Variants in PCDH11X observed in about 807,000 individuals in gnomAD.
PCDH11X encodes protocadherin 11 X-linked.
PCDH11X carries 18 observed loss-of-function variants against 53.3 expected under a neutral mutation model. The ratio of observed to expected loss-of-function variants is 0.34; its 90% confidence interval spans 0.23 to 0.50. PCDH11X has a LOEUF of 0.50. PCDH11X is among the 20% of genes least tolerant of loss of function. PCDH11X has a pLI of 0.98. For synonymous variants in PCDH11X, 279 were observed against 393.3 expected, an observed-to-expected ratio of 0.71 and a Z score of 3.44; for missense variants, 570 against 1,032.4, an observed-to-expected ratio of 0.55 and a Z score of 6.14.
At chrX:92,242,899 C>T (rs543870886) in intron 7 of PCDH11X, among the ~76,000 whole-genome samples, 11 of 111,304 alleles carry the variant, frequency 9.9e-5, no homozygotes, top group African/African-American at 3.3e-4. Flanking sequence ...GTTTGACATT[C>T]GGATTTACTC....
At chrX:92,031,143 C>T (rs1447572162) in intron 6 of PCDH11X, among the ~76,000 whole-genome samples, 2 of 111,414 alleles carry the variant, frequency 1.8e-5, no homozygotes, top group Non-Finnish European at 1.9e-5. Flanking sequence ...TCCTAACCAA[C>T]ATTTGTTATT....
At chrX:92,526,671 C>T (rs1424490312) in intron 10 of PCDH11X, among the ~76,000 whole-genome samples, 2 of 107,814 alleles carry the variant, frequency 1.9e-5, no homozygotes, top group African/African-American at 3.4e-5. Flanking sequence ...AACCCTAGTA[C>T]CGTGTTGGTG....
At chrX:91,948,962 A>C (rs1248880676) in intron 6 of PCDH11X, among the ~76,000 whole-genome samples, 1 of 110,892 alleles carries the variant, frequency 9.0e-6, no homozygotes, top group Non-Finnish European at 1.9e-5. Flanking sequence ...TTCTTACTCA[A>C]ACTGGATTCT....
intron 6 of PCDH11X, among the ~76,000 whole-genome samples, chrX:92,107,185 C>A (rs997331604): frequency 1.6e-4 from 18 of 111,289 alleles, no homozygotes; most frequent in Non-Finnish European, 3.2e-4. Flanking sequence ...CCAGATGGAA[C>A]CAATGTAAAT....
intron 8 of PCDH11X, among the ~76,000 whole-genome samples, chrX:92,345,661 T>C (rs2069875566): frequency 8.9e-6 from 1 of 111,798 alleles, no homozygotes; most frequent in Admixed American, 9.5e-5. Flanking sequence ...AAAAAATTGT[T>C]TTATAAAATA....
chrX:91,980,626 G>A (rs1355274580), intron 6 of PCDH11X, among the ~76,000 whole-genome samples: 2 of 106,787 alleles, frequency 1.9e-5, no homozygotes. Context: ...GTAGGGACAA[G>A]GTCTCACTAC....
In PCDH11X at chrX:92,375,893, A is replaced by G. The variant is rs185594324; in HGVS notation, c.3145-11842A>G. On this transcript the variant is annotated intron_variant, in intron 8 of 10. Transcript: ENST00000682573. Reference sequence around the variant, plus strand: ...CTCCTCGGCCTCCCAAAGTGCTGGGATTATAGGCGTGAGCCACCGTGCCTG... The same window carrying G: ...CTCCTCGGCCTCCCAAAGTGCTGGGGTTATAGGCGTGAGCCACCGTGCCTG... 5.8e-3 allele frequency among the ~76,000 whole-genome samples: 650 copies of G among 112,141 alleles called. 2 individuals are homozygous for G. The highest frequency in any genetic ancestry group is 0.02 in the African/African-American group (619 of 30,879).
intron 5 of PCDH11X, among the ~76,000 whole-genome samples, chrX:91,861,547 G>A (rs907003174): frequency 2.7e-5 from 3 of 109,808 alleles, no homozygotes; most frequent in African/African-American, 1.0e-4. Flanking sequence ...TCAGGCCCTG[G>A]CAGCAGAAAA....
intron 6 of PCDH11X, chrX:92,113,566 A>T (rs1354667733): frequency 1.1e-5 from 13 of 1,199,028 alleles, no homozygotes; most frequent in Non-Finnish European, 1.5e-5. Context: ...CATGGCGGAG[A>T]CAGTGAAATC....
intron 8 of PCDH11X, among the ~76,000 whole-genome samples, chrX:92,292,474 T>C (rs995810098): frequency 2.7e-5 from 3 of 112,313 alleles, no homozygotes; most frequent in African/African-American, 6.5e-5. Flanking sequence ...TCTATTTTAT[T>C]GAAAGAATTC....
chrX:92,175,795 C>CTCATTCATTGTAA (rs2065900237), intron 6 of PCDH11X, among the ~76,000 whole-genome samples: 1 of 84,225 alleles, frequency 1.2e-5, no homozygotes, highest in Non-Finnish European at 2.3e-5. Context: ...TACACACACA[C>CTCATTCATTGTAA]ACACACACAG....
intron 6 of PCDH11X, among the ~76,000 whole-genome samples, chrX:91,994,998 G>A (rs1317809369): frequency 1.8e-5 from 2 of 110,415 alleles, no homozygotes; most frequent in African/African-American, 6.6e-5. Context: ...TGGATTATTC[G>A]GTGTTTTATA....
At chrX:92,477,331 C>T (rs1181428432) in intron 10 of PCDH11X, among the ~76,000 whole-genome samples, 2 of 104,371 alleles carry the variant, frequency 1.9e-5, no homozygotes, top group Non-Finnish European at 3.9e-5. Flanking sequence ...ATCCTTCCCA[C>T]TCTTCTTTCC....
At chrX:92,486,537 G>A (rs7062934) in intron 10 of PCDH11X, among the ~76,000 whole-genome samples, 4,075 of 111,220 alleles carry the variant, frequency 0.037, 173 homozygotes, top group African/African-American at 0.13. Flanking sequence ...AAAGTAAATT[G>A]ACTCTCACAA....
chrX:92,473,591 A>C (rs1457573496), intron 10 of PCDH11X, among the ~76,000 whole-genome samples: 2 of 111,311 alleles, frequency 1.8e-5, no homozygotes, highest in Non-Finnish European at 3.8e-5. Flanking sequence ...TACAGCTATA[A>C]ACTTCCCTGT....
At chrX:92,231,932 G>A (rs1311286305) in intron 7 of PCDH11X, among the ~76,000 whole-genome samples, 3 of 111,571 alleles carry the variant, frequency 2.7e-5, no homozygotes. Context: ...GAACAGAGAA[G>A]GCTCACTTCA....
chrX:92,373,240 A>G (rs1412842069), intron 8 of PCDH11X, among the ~76,000 whole-genome samples: 3 of 111,591 alleles, frequency 2.7e-5, no homozygotes, highest in African/African-American at 9.8e-5. Context: ...TACATGCTGT[A>G]TTGGACAAAA....
intron 6 of PCDH11X, among the ~76,000 whole-genome samples, chrX:91,885,426 C>T (rs765622904): frequency 2.7e-5 from 3 of 110,799 alleles, no homozygotes; most frequent in South Asian, 3.8e-4. Flanking sequence ...CCAAAATCTA[C>T]AGTCTCAATT....
chrX:92,443,954 A>G (rs1208761498), intron 9 of PCDH11X, among the ~76,000 whole-genome samples: 1 of 110,702 alleles, frequency 9.0e-6, no homozygotes, highest in African/African-American at 3.3e-5. Flanking sequence ...ATTTAAAGTC[A>G]GATAATGTGA....
Sources: allele counts gnomAD v4.1 joint callset (sites outside exome capture counted in the v4.1 genomes callset), GRCh38; gene constraint gnomAD v4.1.1; transcripts MANE v1.5; gene names NCBI Gene and HGNC (gene_info 2026-07-23, HGNC 2026-07-21).